NKAIN2: variants seen among roughly 807,000 people sequenced by gnomAD.
The protein encoded by NKAIN2 is sodium/potassium transporting ATPase interacting 2.
In NKAIN2, 14 loss-of-function variants were observed where a neutral mutation model predicts 32.6. The observed-to-expected ratio is 0.43, with a 90% CI of 0.28 to 0.67. The LOEUF (loss-of-function observed/expected upper bound fraction) is 0.67. Ranked by LOEUF, NKAIN2 falls within the 30% of genes least tolerant of loss-of-function variation. The pLI is 0.17. For synonymous variants in NKAIN2, 80 were observed against 87.2 expected, an observed-to-expected ratio of 0.92 and a Z score of 0.46; for missense variants, 198 against 258.3, an observed-to-expected ratio of 0.77 and a Z score of 1.60.
intron 3 of NKAIN2, among the ~76,000 whole-genome samples, chr6:124,521,668 G>A (rs781179846): frequency 6.6e-6 from 1 of 151,998 alleles, no homozygotes; most frequent in Non-Finnish European, 1.5e-5. Context: ...AAGAATAATC[G>A]ATTCTTTTCA....
At chr6:124,043,736 T>C (rs1294994778) in intron 1 of NKAIN2, among the ~76,000 whole-genome samples, 6 of 152,042 alleles carry the variant, frequency 3.9e-5, no homozygotes, top group Non-Finnish European at 7.4e-5. Flanking sequence ...TGTCTTACAT[T>C]CCTAGAATGC....
intron 1 of NKAIN2, among the ~76,000 whole-genome samples, chr6:123,855,162 C>A (rs1222383796): frequency 6.6e-6 from 1 of 152,266 alleles, no homozygotes; most frequent in Non-Finnish European, 1.5e-5. Context: ...GAAATCAGTT[C>A]TTTGCCATGG....
chr6:123,894,915 G>T (rs149934822), intron 1 of NKAIN2, among the ~76,000 whole-genome samples: 39 of 152,142 alleles, frequency 2.6e-4, no homozygotes, highest in South Asian at 2.5e-3. Context: ...TTGATTGAAA[G>T]AAAAGATCCT....
chr6:124,112,312 G>A (rs1785422875), intron 1 of NKAIN2, among the ~76,000 whole-genome samples: 1 of 152,096 alleles, frequency 6.6e-6, no homozygotes. Context: ...ATTTTTAAAG[G>A]ACAGTTTTTG....
chr6:124,725,750 T>G (rs1003129171), intron 4 of NKAIN2, among the ~76,000 whole-genome samples: 1 of 152,080 alleles, frequency 6.6e-6, no homozygotes, highest in African/African-American at 2.4e-5. Flanking sequence ...GCTCCCAGTG[T>G]GAGCGACGCA....
Position 124,125,676 on chromosome 6 carries a change from A to G in NKAIN2, c.55-157329A>G, listed in dbSNP as rs538858549. Among the ~76,000 whole-genome samples the G allele has an allele frequency of 9.2e-5, 14 of 152,304 alleles. No individual in the cohort carries two copies. The South Asian group carries it at 2.9e-3, about 32-fold the overall frequency. On this transcript the variant is annotated intron_variant, in intron 1 of 6. Transcript: ENST00000368417. Reference sequence around the variant, plus strand: ...TTATCTGTACTATGCTTCAGCAGGCACTAACAATTCAAGAGCAGTTTTAAG... The same window carrying G: ...TTATCTGTACTATGCTTCAGCAGGCGCTAACAATTCAAGAGCAGTTTTAAG...
chr6:124,192,741 GTTTT>G (rs1205303294), intron 1 of NKAIN2, among the ~76,000 whole-genome samples: 5 of 77,186 alleles, frequency 6.5e-5, no homozygotes, highest in African/African-American at 1.7e-4. Flanking sequence ...AGTTCCATCC[GTTTT>G]TTTTTTTTTT....
intron 3 of NKAIN2, among the ~76,000 whole-genome samples, chr6:124,496,083 A>T (rs1778053052): frequency 6.6e-6 from 1 of 152,136 alleles, no homozygotes; most frequent in Non-Finnish European, 1.5e-5. Flanking sequence ...TTCTCTGAGC[A>T]TGCTATCTCA....
At chr6:124,110,699 A>C (rs4896074) in intron 1 of NKAIN2, among the ~76,000 whole-genome samples, 5 of 151,840 alleles carry the variant, frequency 3.3e-5, no homozygotes, top group Admixed American at 2.6e-4. Context: ...CTCCATCTGC[A>C]TCCGTGTTGC....
chr6:124,366,165 A>C (rs56068034), intron 3 of NKAIN2, among the ~76,000 whole-genome samples: 1 of 152,030 alleles, frequency 6.6e-6, no homozygotes, highest in Non-Finnish European at 1.5e-5. Flanking sequence ...ACAATAGGGG[A>C]AAAAAAGCAA....
At chr6:123,958,286 G>C (rs1263148909) in intron 1 of NKAIN2, among the ~76,000 whole-genome samples, 4 of 152,142 alleles carry the variant, frequency 2.6e-5, no homozygotes, top group African/African-American at 9.7e-5. Context: ...AAAAGAAACA[G>C]GTTTACCAAA....
intron 4 of NKAIN2, among the ~76,000 whole-genome samples, chr6:124,727,351 T>C (rs368625288): frequency 3.9e-5 from 6 of 152,234 alleles, no homozygotes; most frequent in South Asian, 2.1e-4. Context: ...AGACTAACAG[T>C]GGATCTCTTG....
At position 123,987,021 on chromosome 6, in the gene NKAIN2, G is replaced by A. The variant is rs764790912; in HGVS notation, c.54+182767G>A. On this transcript the variant is annotated intron_variant, in intron 1 of 6. Coordinates refer to ENST00000368417, the MANE Select transcript of NKAIN2 (RefSeq NM_001040214.3). ...ATTGAAGTTGACCTTAAATTCATAC[G>A]GCTCTCAGTTTTCTCATGAGTGAGA... 1.8e-4 allele frequency among the ~76,000 whole-genome samples: 28 copies of A among 152,222 alleles called. No homozygotes were observed. In the Middle Eastern group the frequency reaches 0.01, roughly 56 times the overall value.
At chr6:124,217,408 G>C (rs972229937) in intron 1 of NKAIN2, among the ~76,000 whole-genome samples, 1 of 151,762 alleles carries the variant, frequency 6.6e-6, no homozygotes, top group Non-Finnish European at 1.5e-5. Flanking sequence ...TAAATTTTAA[G>C]GTAATGTCTT....
chr6:124,346,352 G>A (rs139587984), intron 2 of NKAIN2, among the ~76,000 whole-genome samples: 6,462 of 152,108 alleles, frequency 0.042, 254 homozygotes, highest in African/African-American at 0.099. Context: ...TATTAGGTCC[G>A]CTTGGTGCAG....
chr6:124,223,487 T>C (rs1301528607), intron 1 of NKAIN2, among the ~76,000 whole-genome samples: 1 of 152,148 alleles, frequency 6.6e-6, no homozygotes, highest in Non-Finnish European at 1.5e-5. Context: ...TCACCCTTCC[T>C]GGACTCTGTT....
At chr6:124,338,122 A>G (rs548138982) in intron 2 of NKAIN2, among the ~76,000 whole-genome samples, 1 of 152,194 alleles carries the variant, frequency 6.6e-6, no homozygotes, top group Non-Finnish European at 1.5e-5. Flanking sequence ...AGGATACATC[A>G]GTTAATAAGA....
chr6:123,943,867 A>G (rs1204538618), intron 1 of NKAIN2, among the ~76,000 whole-genome samples: 1 of 152,076 alleles, frequency 6.6e-6, no homozygotes, highest in Non-Finnish European at 1.5e-5. Context: ...CCAAATGGTT[A>G]GTGATATTGT....
intron 4 of NKAIN2, among the ~76,000 whole-genome samples, chr6:124,694,958 T>C (rs1250968641): frequency 3.9e-5 from 5 of 127,962 alleles, no homozygotes; most frequent in East Asian, 2.2e-4. Flanking sequence ...TATGGAGTTA[T>C]TGACTTTGTT....
Sources: gnomAD v4.1 joint callset for allele counts (sites outside exome capture counted in the v4.1 genomes callset) on GRCh38, gnomAD v4.1.1 for gene constraint, MANE v1.5 for transcripts, NCBI Gene and HGNC (gene_info 2026-07-23, HGNC 2026-07-21) for gene names.